LMTK2: variants seen among roughly 807,000 people sequenced by gnomAD.
The protein encoded by LMTK2 is lemur tail kinase 2.
LMTK2 carries 37 observed loss-of-function variants against 127.5 expected under a neutral mutation model. The observed-to-expected ratio is 0.29, with a 90% confidence interval of 0.22 to 0.38. The LOEUF is 0.38. Among genes scored for constraint, LMTK2 ranks in the 10% least tolerant of loss-of-function variants. The pLI is 1.00. For synonymous variants in LMTK2, 819 were observed against 810.1 expected (o/e 1.01, Z -0.19); for missense variants, 1,694 against 1,920.3 (o/e 0.88, Z 2.20).
intron 3 of LMTK2, 111 bp downstream of exon 3, chr7:98,141,652 C>T (rs1292265948): frequency 3.9e-6 from 4 of 1,035,002 alleles, no homozygotes; most frequent in Non-Finnish European, 5.8e-6. Flanking sequence ...TGGTTTATTT[C>T]TCTTCCTTCT....
In LMTK2 at chr7:98,170,077, A is replaced by C. The variant is rs555228913; in HGVS notation, c.658-1464A>C. ...CATACTGATTTAATTCACTTGCTAA[A>C]TAGACCTTTCTTGACTAGTTGGTAA... On this transcript the variant is annotated intron_variant, in intron 6 of 13. Transcript: ENST00000297293. Among the ~76,000 whole-genome samples, 14 of 152,360 alleles carry C rather than the reference A, an allele frequency of 9.2e-5. No individual in the cohort carries two copies. The South Asian group carries it at 2.9e-3, about 32-fold the overall frequency.
intron 7 of LMTK2, among the ~76,000 whole-genome samples, chr7:98,179,317 G>C (rs1324475393): frequency 6.6e-6 from 1 of 152,188 alleles, no homozygotes; most frequent in Non-Finnish European, 1.5e-5. Flanking sequence ...TCAGGCTGCT[G>C]CCCCTGGCCT....
Position 98,190,842 on chromosome 7 carries a change from G to T in LMTK2, c.1113G>T (p.Pro371=). 6.2e-7 allele frequency: 1 copy of T among 1,614,024 alleles called. No individual in the cohort carries two copies. Among genetic ancestry groups the T allele is most frequent in the Non-Finnish European group, 8.5e-7 (1 of 1,180,006 alleles). ...QVIRERDTKL[P]KPQLEQPYSD... ...TTAGAGAGAGAGACACAAAACTCCCGAAGCCCCAGCTGGAGCAGCCCTACT... is the reference window on the plus strand; with the variant it reads ...TTAGAGAGAGAGACACAAAACTCCCTAAGCCCCAGCTGGAGCAGCCCTACT... The change falls in exon 10 of 14, where the codon CCG becomes CCT. Residue 371 remains proline, a synonymous_variant. Transcript: ENST00000297293.
chr7:98,186,815 A>G, intron 8 of LMTK2, 62 bp from the exon 9 acceptor site: 1 of 1,461,836 alleles, frequency 6.8e-7, no homozygotes, highest in South Asian at 1.2e-5. Context: ...ATGGATTTAA[A>G]TTCTTGAACT....
intron 11 of LMTK2, among the ~76,000 whole-genome samples, chr7:98,203,338 G>T (rs886225050): frequency 1.3e-5 from 2 of 152,232 alleles, no homozygotes; most frequent in East Asian, 3.9e-4. Context: ...CTGCTGCTCT[G>T]CGCTTCTCTG....
intron 1 of LMTK2, among the ~76,000 whole-genome samples, chr7:98,110,155 A>G (rs1470748144): frequency 1.3e-5 from 2 of 152,204 alleles, no homozygotes; most frequent in Non-Finnish European, 2.9e-5. Context: ...TAGAGAAAGC[A>G]TGCAGTTAAC....
chr7:98,197,697 C>T (rs754996362), intron 11 of LMTK2, among the ~76,000 whole-genome samples: 3 of 152,106 alleles, frequency 2.0e-5, no homozygotes, highest in Non-Finnish European at 4.4e-5. Flanking sequence ...AAAAAATTGG[C>T]CAGTTGTGGT....
At chr7:98,191,570 A>C (rs753113412) in intron 10 of LMTK2, 44 bp from the exon 11 acceptor site, 1 of 1,501,342 alleles carries the variant, frequency 6.7e-7, no homozygotes, top group Non-Finnish European at 8.9e-7. Flanking sequence ...AAAAAAAAAA[A>C]AATTCGTGAT....
chr7:98,193,358 G>A lies in LMTK2; in HGVS notation c.2893G>A (p.Val965Met). ...SKDAAKEAGL[V>M]SALSSDSTSQ... Reference sequence around the variant, plus strand: ...AGACGCAGCAAAAGAAGCAGGCTTGGTGTCTGCCCTCTCCTCGGACTCAAC... The same window carrying A: ...AGACGCAGCAAAAGAAGCAGGCTTGATGTCTGCCCTCTCCTCGGACTCAAC... The change falls in exon 11 of 14, where the codon GTG becomes ATG. Residue 965 changes from valine (V) to methionine (M), a missense_variant. Physicochemically the swap from Val to Met is conservative, Grantham distance 21. Coordinates refer to ENST00000297293, the MANE Select transcript of LMTK2 (RefSeq NM_014916.4). This position sits in a 1 kb window ranked among gnomAD's most constrained non-coding sequence, Gnocchi z 4.1. 1 of 1,614,184 alleles carries A rather than the reference G, an allele frequency of 6.2e-7. No homozygotes were observed. The highest frequency in any genetic ancestry group is 8.5e-7 in the Non-Finnish European group (1 of 1,180,036).
In LMTK2 at chr7:98,207,370, C is replaced by A. The variant is rs1440177440; in HGVS notation, c.*1878C>A. Reference sequence around the variant, plus strand: ...ATTGCCAGTTCCACCCTACTCCTCTCATTTTTTATACTAAGCAATAACTTT... The same window carrying A: ...ATTGCCAGTTCCACCCTACTCCTCTAATTTTTTATACTAAGCAATAACTTT... On this transcript the variant is annotated 3_prime_UTR_variant, in exon 14 of 14. Coordinates refer to ENST00000297293, the MANE Select transcript of LMTK2 (RefSeq NM_014916.4). 3 of 152,192 alleles carry A rather than the reference C, an allele frequency of 2.0e-5. No homozygotes were observed. The highest frequency in any genetic ancestry group is 1.3e-4 in the Admixed American group (2 of 15,274). 9.4% of individuals were successfully genotyped at this position (152,192 alleles called of 1,614,324 possible). A position where few individuals can be genotyped will look rare whatever the true frequency, so the allele number is the denominator to read the frequency against.
intron 7 of LMTK2, among the ~76,000 whole-genome samples, chr7:98,176,890 C>T (rs1357167671): frequency 6.6e-6 from 1 of 152,182 alleles, no homozygotes; most frequent in Non-Finnish European, 1.5e-5. Context: ...ATGCCAGCTA[C>T]TTTACACCAA....
chr7:98,115,360 G>T (rs573534030), intron 1 of LMTK2, among the ~76,000 whole-genome samples: 63 of 151,952 alleles, frequency 4.1e-4, no homozygotes, highest in African/African-American at 1.4e-3. Context: ...AGGTTGCAGT[G>T]AGCCGAGATC....
chr7:98,182,127 A>G (rs377280118), intron 7 of LMTK2, among the ~76,000 whole-genome samples: 14 of 152,358 alleles, frequency 9.2e-5, no homozygotes, highest in East Asian at 5.8e-4. Flanking sequence ...CCTAAATGTA[A>G]GATGCAAAAC....
At chr7:98,117,140 T>C (rs1013733073) in intron 1 of LMTK2, among the ~76,000 whole-genome samples, 4 of 152,198 alleles carry the variant, frequency 2.6e-5, no homozygotes, top group African/African-American at 9.7e-5. Flanking sequence ...GAGTGCAGGG[T>C]CAACACTTAA....
At chr7:98,151,246 C>G in intron 3 of LMTK2, 136 bp from the exon 4 acceptor site, 1 of 526,172 alleles carries the variant, frequency 1.9e-6, no homozygotes, top group Non-Finnish European at 3.2e-6. Flanking sequence ...TGGCATGATT[C>G]GTTTAAAAGA....
intron 1 of LMTK2, among the ~76,000 whole-genome samples, chr7:98,114,047 C>T (rs73404144): frequency 0.13 from 19,646 of 151,744 alleles, 1,342 homozygotes; most frequent in East Asian, 0.19. Context: ...CTCAGGTACC[C>T]GCAGCCACAG....
At chr7:98,141,779 T>C (rs967200906) in intron 3 of LMTK2, among the ~76,000 whole-genome samples, 1 of 152,254 alleles carries the variant, frequency 6.6e-6, no homozygotes, top group African/African-American at 2.4e-5. Flanking sequence ...CCTTGATTCA[T>C]TGACATTGAA....
At chr7:98,156,532 T>G (rs1010398357) in intron 5 of LMTK2, among the ~76,000 whole-genome samples, 5 of 151,442 alleles carry the variant, frequency 3.3e-5, no homozygotes, top group Non-Finnish European at 5.9e-5. Flanking sequence ...GTGGAGAAAC[T>G]AGATCCCTCA....
chr7:98,189,442 G>A (rs967117280), intron 9 of LMTK2, among the ~76,000 whole-genome samples: 4 of 152,118 alleles, frequency 2.6e-5, no homozygotes, highest in African/African-American at 9.7e-5. Context: ...GGGGCGTGTC[G>A]TGGAGGGTTA....
Sources: allele counts gnomAD v4.1 joint callset (sites outside exome capture counted in the v4.1 genomes callset), GRCh38; gene constraint gnomAD v4.1.1; non-coding constraint Gnocchi (gnomAD v3.1); transcripts MANE v1.5; gene names NCBI Gene and HGNC (gene_info 2026-07-23, HGNC 2026-07-21).